KSR1: variants seen among roughly 807,000 people sequenced by gnomAD.
KSR1 encodes kinase suppressor of ras 1.
In KSR1, 35 loss-of-function variants were observed where a neutral mutation model predicts 92.9. The ratio of observed to expected loss-of-function variants is 0.38; its 90% CI spans 0.29 to 0.50. KSR1 has a LOEUF of 0.50. KSR1 is among the 20% of genes least tolerant of loss of function. The pLI is 0.94. For synonymous variants in KSR1, 467 were observed against 472.6 expected (o/e 0.99, Z 0.15); for missense variants, 972 against 1,158.5 (o/e 0.84, Z 2.34).
intron 10 of KSR1, among the ~76,000 whole-genome samples, chr17:27,600,070 T>C (rs898843961): frequency 6.6e-6 from 1 of 151,036 alleles, no homozygotes; most frequent in Non-Finnish European, 1.5e-5. Context: ...AGGACCTGCC[T>C]GAGGCTAGTT....
chr17:27,580,206 C>G (rs970012630), intron 3 of KSR1, among the ~76,000 whole-genome samples: 1 of 152,160 alleles, frequency 6.6e-6, no homozygotes, highest in East Asian at 1.9e-4. Context: ...CTCATAGATT[C>G]ATGAAATTCA....
intron 2 of KSR1, among the ~76,000 whole-genome samples, chr17:27,557,149 T>C (rs976704938): frequency 2.0e-5 from 3 of 152,122 alleles, no homozygotes; most frequent in Non-Finnish European, 4.4e-5. Context: ...CCTTGGGGAT[T>C]TCTGTGGGGC....
intron 1 of KSR1, among the ~76,000 whole-genome samples, chr17:27,476,329 CAG>C (rs2068344503): frequency 6.6e-6 from 1 of 152,198 alleles, no homozygotes; most frequent in African/African-American, 2.4e-5. Flanking sequence ...TGCTGAGAAA[CAG>C]GGAAGTTTCC....
intron 1 of KSR1, among the ~76,000 whole-genome samples, chr17:27,467,144 G>C (rs1343277990): frequency 1.3e-5 from 2 of 152,246 alleles, no homozygotes; most frequent in Non-Finnish European, 2.9e-5. Flanking sequence ...GAGTCACATA[G>C]CTAAGGAGAG....
At chr17:27,521,499 G>A (rs1567788398) in intron 1 of KSR1, among the ~76,000 whole-genome samples, 5 of 151,944 alleles carry the variant, frequency 3.3e-5, no homozygotes, top group African/African-American at 9.7e-5. Flanking sequence ...TTGGAGTGCA[G>A]TAGCTCACTG....
chr17:27,498,179 ATT>A (rs1194622037), intron 1 of KSR1, among the ~76,000 whole-genome samples: 3 of 151,778 alleles, frequency 2.0e-5, no homozygotes, highest in Non-Finnish European at 2.9e-5. Flanking sequence ...AAAATACAAA[ATT>A]TAGCCGAGTG....
chr17:27,585,950 C>CGT, intron 5 of KSR1: 1 of 433,274 alleles, frequency 2.3e-6, no homozygotes, highest in Non-Finnish European at 4.2e-6. Flanking sequence ...CCTTGCCCTT[C>CGT]CCCACCGAGA....
intron 1 of KSR1, among the ~76,000 whole-genome samples, chr17:27,500,305 A>G (rs944801865): frequency 3.3e-5 from 5 of 152,184 alleles, no homozygotes; most frequent in Non-Finnish European, 7.3e-5. Flanking sequence ...CTTTAAGATG[A>G]TGAAAGCTGA....
intron 1 of KSR1, among the ~76,000 whole-genome samples, chr17:27,488,180 A>G (rs2068723371): frequency 6.6e-6 from 1 of 152,248 alleles, no homozygotes; most frequent in South Asian, 2.1e-4. Context: ...TCATACATTC[A>G]AAACATATAT....
chr17:27,562,181 G>C (rs1444989912), intron 2 of KSR1, among the ~76,000 whole-genome samples: 1 of 152,156 alleles, frequency 6.6e-6, no homozygotes, highest in Admixed American at 6.5e-5. Flanking sequence ...TTGGATTTCT[G>C]GGCTGCCCAG....
In KSR1 at chr17:27,621,249, G is replaced by A; in HGVS notation, c.2684G>A (p.Ser895Asn). The change falls in exon 20 of 21, where the codon AGC becomes AAC. Residue 895 changes from serine to asparagine, a missense_variant. By Grantham distance (46) the Ser-to-Asn change is conservative. This residue lies in a region of KSR1 where 46 missense variants were observed against 39.0 expected (regional missense o/e 1.18). Coordinates refer to ENST00000644974, the MANE Select transcript of KSR1 (RefSeq NM_001394583.1). ...KGRYGHPDFK[S>N]SCPILEEYIN... is the part of the protein sequence containing the mutation. The stretch of plus-strand genomic sequence containing the variant: ...CGCTACGGCCACCCTGACTTTAAGA[G>A]CTCCTGTCCGATTCTGGAGGAATAG... 1 of 398,700 alleles carries A rather than the reference G, an allele frequency of 2.5e-6. No individual in the cohort carries two copies. The highest frequency in any genetic ancestry group is 2.1e-5 in the African/African-American group (1 of 48,764). The allele number at this position is 398,700 out of a possible 1,614,324, so 24.7% of individuals were successfully genotyped here.
Position 27,546,588 on chromosome 17 carries a change from T to G in KSR1, c.232-3980T>G, listed in dbSNP as rs115902834. Among the ~76,000 whole-genome samples the G allele has an allele frequency of 4.1e-3, 628 of 152,202 alleles. 3 individuals are homozygous for G. Among genetic ancestry groups the G allele is most frequent in the African/African-American group, 0.015 (608 of 41,510 alleles). On this transcript the variant is annotated intron_variant, in intron 1 of 20. Coordinates refer to ENST00000644974, the MANE Select transcript of KSR1 (RefSeq NM_001394583.1). Reference sequence around the variant, plus strand: ...GGAAGGGGAGAGGCGGACTCTGACTTGGCCTGGGTAGGAAACTCCAGCAGG... The same window carrying G: ...GGAAGGGGAGAGGCGGACTCTGACTGGGCCTGGGTAGGAAACTCCAGCAGG...
intron 1 of KSR1, among the ~76,000 whole-genome samples, chr17:27,479,259 C>T (rs1437668654): frequency 6.6e-6 from 1 of 151,414 alleles, no homozygotes; most frequent in Non-Finnish European, 1.5e-5. Context: ...CTCCTCTCTC[C>T]CTCCATGCTT....
In KSR1 at chr17:27,577,442, G is replaced by A. The variant is rs1343938926; in HGVS notation, c.373-50G>A. On this transcript the variant is annotated intron_variant, in intron 2 of 20. Coordinates refer to ENST00000644974, the MANE Select transcript of KSR1 (RefSeq NM_001394583.1). The surrounding 1 kb of genome is among the most constrained non-coding windows in gnomAD (Gnocchi z 4.5). ...GCCAGCCTGAGGCTGAGGGGCTCCC[G>A]GCCCAGCCGACTGCTCACCGCCTCT... is the stretch of plus-strand genomic sequence containing the variant. The A allele has an allele frequency of 6.6e-6, 8 of 1,217,350 alleles. No individual in the cohort carries two copies. The highest frequency in any genetic ancestry group is 2.1e-5 in the Admixed American group (1 of 48,318). The allele number at this position is 1,217,350 out of a possible 1,614,324, so 75.4% of individuals were successfully genotyped here. A position where few individuals can be genotyped will look rare whatever the true frequency, so the allele number is the denominator to read the frequency against.
chr17:27,507,092 G>GT (rs1277882371), intron 1 of KSR1, among the ~76,000 whole-genome samples: 1 of 152,230 alleles, frequency 6.6e-6, no homozygotes, highest in African/African-American at 2.4e-5. Context: ...GGTGTGCAGT[G>GT]TAAAAATGCT....
intron 2 of KSR1, among the ~76,000 whole-genome samples, chr17:27,554,300 G>A (rs961575723): frequency 3.3e-5 from 5 of 152,180 alleles, no homozygotes; most frequent in East Asian, 1.9e-4. Context: ...ACAATGGAAC[G>A]CTAGGCATAC....
intron 2 of KSR1, among the ~76,000 whole-genome samples, chr17:27,563,253 CTCCTTTCCTGTT>C (rs1030326536): frequency 1.3e-5 from 2 of 152,006 alleles, no homozygotes; most frequent in Non-Finnish European, 2.9e-5. Context: ...TTTTTCCTTT[CTCCTTTCCTGTT>C]TCCTTTCCTT....
At chr17:27,534,561 G>A (rs781302936) in intron 1 of KSR1, among the ~76,000 whole-genome samples, 3 of 152,204 alleles carry the variant, frequency 2.0e-5, no homozygotes, top group South Asian at 2.1e-4. Flanking sequence ...ATTTGAACCC[G>A]GGTCTGTTGG....
At chr17:27,517,217 C>T (rs1432733224) in intron 1 of KSR1, among the ~76,000 whole-genome samples, 1 of 152,218 alleles carries the variant, frequency 6.6e-6, no homozygotes, top group African/African-American at 2.4e-5. Flanking sequence ...GGGTGGCTAC[C>T]TATGAGACTT....
Sources: allele counts gnomAD v4.1 joint callset (sites outside exome capture counted in the v4.1 genomes callset), GRCh38; gene constraint gnomAD v4.1.1; regional missense constraint gnomAD v4.1.1; non-coding constraint Gnocchi (gnomAD v3.1); transcripts MANE v1.5; gene names NCBI Gene and HGNC (gene_info 2026-07-23, HGNC 2026-07-21).